KCNIP4: variants seen among roughly 807,000 people sequenced by gnomAD.
KCNIP4 encodes Kv channel-interacting protein 4.
KCNIP4 carries 12 observed loss-of-function variants against 34.0 expected under a neutral mutation model. The observed-to-expected ratio is 0.35, with a 90% CI of 0.23 to 0.57. KCNIP4 has a LOEUF of 0.57. Ranked by LOEUF, KCNIP4 falls within the 20% of genes least tolerant of loss-of-function variation. KCNIP4 has a pLI of 0.83. For synonymous variants in KCNIP4, 124 were observed against 102.2 expected (o/e 1.21, Z -1.29); for missense variants, 238 against 311.7 (o/e 0.76, Z 1.78).
chr4:21,846,751 G>A (rs1236034097), intron 1 of KCNIP4: 1 of 152,112 alleles, frequency 6.6e-6, no homozygotes, highest in East Asian at 1.9e-4. Context: ...TGGGGCCAAG[G>A]GCTCCACCTG....
At chr4:21,580,064 T>C (rs1450545276) in intron 1 of KCNIP4, among the ~76,000 whole-genome samples, 3 of 152,180 alleles carry the variant, frequency 2.0e-5, no homozygotes, top group African/African-American at 7.2e-5. Context: ...TATTTACTTG[T>C]GTAGTTAAGG....
At chr4:21,150,298 G>T (rs1307554524) in intron 1 of KCNIP4, among the ~76,000 whole-genome samples, 6 of 144,794 alleles carry the variant, frequency 4.1e-5, no homozygotes, top group Non-Finnish European at 8.8e-5. Flanking sequence ...GTAATGCTTG[G>T]CTCCATTTGT....
chr4:21,461,607 A>T (rs186932229), intron 1 of KCNIP4, among the ~76,000 whole-genome samples: 127 of 152,138 alleles, frequency 8.3e-4, no homozygotes, highest in African/African-American at 2.7e-3. Flanking sequence ...GTAGAAAAAA[A>T]TCTCTTGTAA....
chr4:21,213,318 T>C lies in KCNIP4; in HGVS notation c.62-330609A>G, dbSNP rs145757750. 4.5e-4 allele frequency among the ~76,000 whole-genome samples: 68 copies of C among 152,240 alleles called. 1 individual carries two copies. In the East Asian group the frequency reaches 0.01, roughly 23 times the overall value. Reference sequence around the variant, plus strand: ...TTTATTGATTGATTGATTGATTTTTTTGAGATGGGATCTTGCTCTGTCACC... The same window carrying C: ...TTTATTGATTGATTGATTGATTTTTCTGAGATGGGATCTTGCTCTGTCACC... On this transcript the variant is annotated intron_variant, in intron 1 of 8. Coordinates refer to ENST00000382152, the MANE Select transcript of KCNIP4 (RefSeq NM_025221.6).
At chr4:21,552,564 T>C (rs1234551778) in intron 1 of KCNIP4, among the ~76,000 whole-genome samples, 1 of 152,120 alleles carries the variant, frequency 6.6e-6, no homozygotes, top group Non-Finnish European at 1.5e-5. Flanking sequence ...TCTGGACTAT[T>C]TCTTGCCTGT....
At chr4:21,112,026 T>TATCCATCC (rs371807597) in intron 1 of KCNIP4, among the ~76,000 whole-genome samples, 3 of 82,958 alleles carry the variant, frequency 3.6e-5, no homozygotes, top group African/African-American at 7.0e-5. Context: ...CCTTTCTCTG[T>TATCCATCC]ATCTATCTAT....
chr4:21,087,655 T>G (rs1423149075), intron 1 of KCNIP4, among the ~76,000 whole-genome samples: 1 of 152,120 alleles, frequency 6.6e-6, no homozygotes, highest in Non-Finnish European at 1.5e-5. Context: ...GCTGTCTGCA[T>G]TTTCTCACTC....
chr4:21,012,702 A>T (rs1027203352), intron 1 of KCNIP4, among the ~76,000 whole-genome samples: 6 of 152,242 alleles, frequency 3.9e-5, no homozygotes, highest in Admixed American at 1.3e-4. Context: ...TAACCAGATT[A>T]GTGTCACAAA....
intron 1 of KCNIP4, among the ~76,000 whole-genome samples, chr4:21,106,383 G>A (rs542942512): frequency 1.3e-4 from 20 of 151,742 alleles, no homozygotes; most frequent in South Asian, 1.2e-3. Context: ...GTTTATTTGC[G>A]TAAGGATGTT....
At chr4:21,461,384 G>A (rs561231482) in intron 1 of KCNIP4, among the ~76,000 whole-genome samples, 27 of 151,326 alleles carry the variant, frequency 1.8e-4, no homozygotes, top group East Asian at 7.8e-4. Context: ...AAAGCAGTGC[G>A]AAAATGGACT....
intron 1 of KCNIP4, among the ~76,000 whole-genome samples, chr4:21,862,512 A>G (rs150514726): frequency 1.1e-3 from 167 of 152,298 alleles, no homozygotes; most frequent in African/African-American, 3.9e-3. Flanking sequence ...GGGAATGCTG[A>G]TGGGTAAAAG....
intron 1 of KCNIP4, among the ~76,000 whole-genome samples, chr4:21,219,451 A>AT (rs1757834300): frequency 6.6e-6 from 1 of 152,158 alleles, no homozygotes; most frequent in Non-Finnish European, 1.5e-5. Context: ...AGAGAAGAAG[A>AT]TTTGGTTAAT....
chr4:20,880,913 G>GA (rs1054324164), intron 2 of KCNIP4, among the ~76,000 whole-genome samples: 14 of 152,192 alleles, frequency 9.2e-5, no homozygotes, highest in Admixed American at 1.3e-4. Context: ...TGCAATGAAA[G>GA]AAAAAAATCA....
At chr4:21,300,082 G>A (rs1764072331) in intron 1 of KCNIP4, among the ~76,000 whole-genome samples, 1 of 151,888 alleles carries the variant, frequency 6.6e-6, no homozygotes, top group South Asian at 2.1e-4. Flanking sequence ...GTGAAATTTT[G>A]CTTTTATTAA....
chr4:21,588,875 T>C (rs1203284593), intron 1 of KCNIP4, among the ~76,000 whole-genome samples: 2 of 151,586 alleles, frequency 1.3e-5, no homozygotes, highest in Non-Finnish European at 2.9e-5. Flanking sequence ...TCTGCAACCA[T>C]CACTTGGATT....
chr4:21,114,122 T>G (rs1343479011), intron 1 of KCNIP4, among the ~76,000 whole-genome samples: 5 of 152,150 alleles, frequency 3.3e-5, no homozygotes, highest in Non-Finnish European at 7.4e-5. Flanking sequence ...CCATACAGCT[T>G]CAGAATATGA....
intron 4 of KCNIP4, among the ~76,000 whole-genome samples, chr4:20,755,262 T>G (rs1001670326): frequency 6.6e-5 from 10 of 152,210 alleles, no homozygotes; most frequent in African/African-American, 2.4e-4. Context: ...AAAATTTGTT[T>G]TGACATGTTA....
intron 3 of KCNIP4, among the ~76,000 whole-genome samples, chr4:20,785,648 T>C (rs1175323653): frequency 1.3e-5 from 2 of 152,192 alleles, no homozygotes; most frequent in African/African-American, 2.4e-5. Flanking sequence ...AATGTGAATT[T>C]TGGAAAAATT....
At chr4:20,742,779 C>T (rs1751451392) in intron 5 of KCNIP4, among the ~76,000 whole-genome samples, 2 of 152,132 alleles carry the variant, frequency 1.3e-5, no homozygotes, top group Admixed American at 1.3e-4. Flanking sequence ...CAAATTTTCC[C>T]TGTTTGCGGA....
Sources: gnomAD v4.1 joint callset for allele counts (sites outside exome capture counted in the v4.1 genomes callset) on GRCh38, gnomAD v4.1.1 for gene constraint, MANE v1.5 for transcripts, NCBI Gene and HGNC (gene_info 2026-07-23, HGNC 2026-07-21) for gene names.